Variants in PATL2 observed in about 807,000 individuals in gnomAD.
PATL2 encodes PAT1 homolog 2, also known as protein PAT1 homolog 2.
PATL2 carries 73 observed loss-of-function variants against 77.0 expected under a neutral mutation model. That is an observed-to-expected ratio of 0.95 (90% confidence interval 0.78 to 1.15). The LOEUF (loss-of-function observed/expected upper bound fraction) is 1.15, where lower values mean the gene tolerates loss of function less well. Ranked by LOEUF, PATL2 falls within the 50% of genes most tolerant of loss-of-function variation. PATL2 has a pLI of 0.00. For synonymous variants in PATL2, 265 were observed against 257.1 expected (o/e 1.03, Z -0.29); for missense variants, 618 against 655.4 (o/e 0.94, Z 0.62).
rs967998742 is a variant in PATL2, at chr15:44,672,066, C to T, written c.606G>A (p.Gln202=). 4 of 1,551,602 alleles carry T rather than the reference C, an allele frequency of 2.6e-6. No individual in the cohort carries two copies. In the African/African-American group the frequency reaches 5.5e-5, roughly 21 times the overall value. ...GTTTTGCACTCTGCAGCTGCACCAT[C>T]TGCACTTTTATCACCCAGTCCTTCT... ...RKEKDWVIKV[Q]MVQLQSAKPR... The change falls in exon 9 of 18, where the codon CAG becomes CAA. Residue 202 remains glutamine (Q), a synonymous_variant. Coordinates refer to ENST00000682850, the MANE Select transcript of PATL2 (RefSeq NM_001387263.1).
intron 4 of PATL2, chr15:44,675,952 C>G: frequency 2.2e-6 from 1 of 454,472 alleles, no homozygotes; most frequent in Non-Finnish European, 3.9e-6. Flanking sequence ...GAGGCCAAGG[C>G]GGGAAGATCA....
chr15:44,695,220 A>G (rs1283426107), intron 3 of PATL2, among the ~76,000 whole-genome samples: 1 of 151,644 alleles, frequency 6.6e-6, no homozygotes, highest in Non-Finnish European at 1.5e-5. Context: ...ACCACTCCAG[A>G]GGGGGGAATG....
At chr15:44,702,413 A>C (rs896302981) in intron 3 of PATL2, among the ~76,000 whole-genome samples, 1 of 150,136 alleles carries the variant, frequency 6.7e-6, no homozygotes, top group African/African-American at 2.5e-5. Flanking sequence ...GGAATTGTTG[A>C]TTTTTGTCTT....
rs752392462 is a variant in PATL2, at chr15:44,666,514, C to G, written c.1491G>C (p.Trp497Cys). 4.5e-6 allele frequency: 7 copies of G among 1,550,830 alleles called. No individual in the cohort carries two copies. The highest frequency in any genetic ancestry group is 2.0e-5 in the Admixed American group (1 of 50,870). The change falls in exon 17 of 18, where the codon TGG becomes TGC. Residue 497 changes from tryptophan (W) to cysteine (C), a missense_variant. By Grantham distance (215) the Trp-to-Cys change is radical (BLOSUM62 -2). Transcript: ENST00000682850. ...AGGCTGTAGGCATTTGGGCTATCTC[C>G]CAGGCAATCAGAACCACCATGTCTG... ...AWTDMVVLIA[W>C]EIAQMPTASL...
chr15:44,707,061 T>TGATGTATACTCAA (rs1474545847), intron 3 of PATL2, among the ~76,000 whole-genome samples: 1 of 152,074 alleles, frequency 6.6e-6, no homozygotes, highest in Non-Finnish European at 1.5e-5. Flanking sequence ...GGGTACTGTC[T>TGATGTATACTCAA]GGCTACTGCT....
intron 3 of PATL2, among the ~76,000 whole-genome samples, chr15:44,705,328 G>A (rs1156391133): frequency 2.0e-5 from 3 of 151,714 alleles, no homozygotes; most frequent in Non-Finnish European, 2.9e-5. Flanking sequence ...GATTAAAGGC[G>A]CCTGCTGCCA....
chr15:44,669,664 A>G, intron 11 of PATL2, 101 bp from the exon 12 acceptor site: 2 of 1,513,586 alleles, frequency 1.3e-6, no homozygotes, highest in South Asian at 1.2e-5. Flanking sequence ...GGCTAGAAAC[A>G]AAGTCTGATC....
At chr15:44,705,832 T>C (rs1307372175) in intron 3 of PATL2, among the ~76,000 whole-genome samples, 2 of 151,586 alleles carry the variant, frequency 1.3e-5, no homozygotes, top group Non-Finnish European at 2.9e-5. Context: ...GACAGAGTCT[T>C]GCTCAGTTGC....
chr15:44,672,905 G>A (rs139281351), intron 7 of PATL2, among the ~76,000 whole-genome samples: 10 of 152,138 alleles, frequency 6.6e-5, no homozygotes, highest in Non-Finnish European at 5.9e-5. Context: ...GATTACAGGC[G>A]CTCGCCACCA....
At chr15:44,703,772 A>G (rs1453273092) in intron 3 of PATL2, among the ~76,000 whole-genome samples, 1 of 89,440 alleles carries the variant, frequency 1.1e-5, no homozygotes, top group South Asian at 3.6e-4. Context: ...CAGCCACTCT[A>G]TGTCTTTTGA....
At chr15:44,705,811 G>GTTTTTTTTTTTTTT (rs371254036) in intron 3 of PATL2, among the ~76,000 whole-genome samples, 2,273 of 135,276 alleles carry the variant, frequency 0.017, 184 homozygotes, top group African/African-American at 0.064. Flanking sequence ...TCAAAACATT[G>GTTTTTTTTTTTTTT]TTTTTTTTTA....
Position 44,689,714 on chromosome 15 carries a change from G to T in PATL2, c.-75-13149C>A, listed in dbSNP as rs533741809. Among the ~76,000 whole-genome samples the T allele has an allele frequency of 1.2e-3, 182 of 152,246 alleles. 1 individual carries two copies. Among genetic ancestry groups the T allele is most frequent in the African/African-American group, 4.1e-3 (170 of 41,528 alleles). On this transcript the variant is annotated intron_variant, in intron 3 of 17. Coordinates refer to ENST00000682850, the MANE Select transcript of PATL2 (RefSeq NM_001387263.1). ...CATCACACACCAGGGCCTGTTGTGG[G>T]GTGGGGGACTAGGGGAGGGATACCA...
At chr15:44,692,572 G>A (rs2086415383) in intron 3 of PATL2, among the ~76,000 whole-genome samples, 1 of 152,240 alleles carries the variant, frequency 6.6e-6, no homozygotes, top group Non-Finnish European at 1.5e-5. Context: ...GAGCTCACCA[G>A]AGGAGGAACT....
intron 3 of PATL2, among the ~76,000 whole-genome samples, chr15:44,683,247 ACTC>A (rs2086174020): frequency 6.6e-6 from 1 of 150,540 alleles, no homozygotes; most frequent in African/African-American, 2.5e-5. Flanking sequence ...AGAACCATTC[ACTC>A]CTCTGGAAAG....
chr15:44,670,090 G>A lies in PATL2; in HGVS notation c.658-3C>T. 1 of 1,551,404 alleles carries A rather than the reference G, an allele frequency of 6.4e-7. No individual in the cohort carries two copies. The highest frequency in any genetic ancestry group is 2.0e-5 in the Admixed American group (1 of 50,912). ...TTCTCTAGCTTCTGGTAATATTCCT[G>A]AGAATGCACGGAATAGGAAACAAAA... is the stretch of plus-strand genomic sequence containing the variant. On this transcript the variant is annotated splice_region_variant and splice_polypyrimidine_tract_variant and intron_variant, in intron 9 of 17. Transcript: ENST00000682850.
chr15:44,669,735 C>A, intron 11 of PATL2, 42 bp downstream of exon 11: 5 of 1,544,624 alleles, frequency 3.2e-6, no homozygotes, highest in Non-Finnish European at 3.5e-6. Flanking sequence ...GACCCTTCTT[C>A]CAAAGGGGAG....
rs1198335414 is a variant in PATL2, at chr15:44,671,872, T to C, written c.657+143A>G. Reference sequence around the variant, plus strand: ...GAGTTTGGGATGTCAATTTTAGAAATACGGCCCCCATCCTGTAGTGATTCT... The same window carrying C: ...GAGTTTGGGATGTCAATTTTAGAAACACGGCCCCCATCCTGTAGTGATTCT... On this transcript the variant is annotated intron_variant, in intron 9 of 17. Transcript: ENST00000682850. The C allele has an allele frequency of 1.3e-5, 13 of 1,018,100 alleles. No individual in the cohort carries two copies. In the East Asian group the frequency reaches 3.2e-4, roughly 25 times the overall value. The allele number at this position is 1,018,100 out of a possible 1,614,324, so 63.1% of individuals were successfully genotyped here.
intron 3 of PATL2, among the ~76,000 whole-genome samples, chr15:44,677,584 C>A (rs2086014675): frequency 6.6e-6 from 1 of 152,176 alleles, no homozygotes; most frequent in South Asian, 2.1e-4. Flanking sequence ...TCTCATCTAA[C>A]CCTCAAGCAA....
intron 2 of PATL2, among the ~76,000 whole-genome samples, chr15:44,710,603 C>G (rs554268633): frequency 4.6e-5 from 7 of 152,090 alleles, no homozygotes; most frequent in Non-Finnish European, 8.8e-5. Context: ...CTTTGTTTCC[C>G]CTGTCCATAA....
Sources: allele counts gnomAD v4.1 joint callset (sites outside exome capture counted in the v4.1 genomes callset), GRCh38; gene constraint gnomAD v4.1.1; transcripts MANE v1.5; gene names NCBI Gene and HGNC (gene_info 2026-07-23, HGNC 2026-07-21).